MYO10: variants seen among roughly 807,000 people sequenced by gnomAD.
MYO10 encodes unconventional myosin-X.
MYO10 carries 133 observed loss-of-function variants against 257.3 expected under a neutral mutation model. The observed-to-expected ratio is 0.52, with a 90% CI of 0.45 to 0.60. The LOEUF is 0.60. Among genes scored for constraint, MYO10 ranks in the 20% least tolerant of loss-of-function variants. The probability of loss-of-function intolerance (pLI) is 0.00; values close to 1 mark genes in which losing one functional copy is unlikely to be tolerated. For missense variants in MYO10, 2,399 were observed against 2,635.7 expected, an observed-to-expected ratio of 0.91 and a Z score of 1.97; for synonymous variants, 1,104 against 1,028.6, an observed-to-expected ratio of 1.07 and a Z score of -1.40.
chr5:16,772,736 C>T (rs1012739033), intron 9 of MYO10, among the ~76,000 whole-genome samples: 4 of 152,204 alleles, frequency 2.6e-5, no homozygotes, highest in African/African-American at 9.6e-5. Context: ...AAACAAACTG[C>T]TGTCTATTCA....
At chr5:16,859,241 A>G (rs989268475) in intron 2 of MYO10, among the ~76,000 whole-genome samples, 22 of 152,218 alleles carry the variant, frequency 1.4e-4, no homozygotes, top group Admixed American at 4.6e-4. Flanking sequence ...GAAGTCCAAG[A>G]GCAAGGATAT....
rs888463722 is a variant in MYO10 at position 16,668,309 on chromosome 5, C to T, written c.6043G>A (p.Asp2015Asn). ...PLANTYKIVVDERELLFETSE... is the reference protein window; with the variant it reads ...PLANTYKIVVNERELLFETSE... ...GTTTCAAAGAGCAGCTCCCTCTCAT[C>T]GACCACGATCTTATACGTATTCGCC... Residue 2015 changes from aspartate (D) to asparagine (N), a missense_variant, in exon 40 of 41, where the codon GAT (aspartate) becomes AAT (asparagine). By Grantham distance (23) the Asp-to-Asn change is conservative (BLOSUM62 1). Around this residue, in one of 3 missense-constraint regions of MYO10, gnomAD observed 1,820 missense variants for 1,939.4 expected, o/e 0.94. Coordinates refer to ENST00000513610, the MANE Select transcript of MYO10 (RefSeq NM_012334.3). 8.1e-6 allele frequency: 13 copies of T among 1,613,190 alleles called. No homozygotes were observed. In the East Asian group the frequency reaches 1.3e-4, roughly 17 times the overall value.
intron 26 of MYO10, among the ~76,000 whole-genome samples, chr5:16,698,265 C>T (rs573006054): frequency 2.2e-4 from 33 of 152,104 alleles, no homozygotes; most frequent in African/African-American, 6.7e-4. Context: ...ATGAAGGCTG[C>T]GGCAGGAAGA....
rs1250436087 is a variant in MYO10, at chr5:16,769,213, A to C, written c.931-10T>G. 1.3e-6 allele frequency: 2 copies of C among 1,586,604 alleles called. No individual in the cohort carries two copies. Among genetic ancestry groups the C allele is most frequent in the Admixed American group, 3.7e-5 (2 of 53,916 alleles). On this transcript the variant is annotated splice_polypyrimidine_tract_variant and intron_variant, in intron 9 of 40. Transcript: ENST00000513610. ...TCACGTCCATTGCCGTCTAGAAGAA[A>C]ATAAATGTATTTAATTTTATGTCGT... is the stretch of plus-strand genomic sequence containing the variant.
rs151111596 is a variant in MYO10, at chr5:16,724,657, T to C, written c.1930-13412A>G. On this transcript the variant is annotated intron_variant, in intron 19 of 40. Coordinates refer to ENST00000513610, the MANE Select transcript of MYO10 (RefSeq NM_012334.3). Reference sequence around the variant, plus strand: ...GTCATGAAGTAACTCTTCAGTATAGTGTTTAATGAGGAGGGATGCAAAAGA... The same window carrying C: ...GTCATGAAGTAACTCTTCAGTATAGCGTTTAATGAGGAGGGATGCAAAAGA... Among the ~76,000 whole-genome samples, 1,250 of 152,234 alleles carry C rather than the reference T, an allele frequency of 8.2e-3. 9 individuals carry two copies. Among genetic ancestry groups the C allele is most frequent in the Non-Finnish European group, 0.014 (980 of 68,022 alleles).
chr5:16,761,916 G>T, intron 16 of MYO10, 129 bp downstream of exon 16: 1 of 973,572 alleles, frequency 1.0e-6, no homozygotes, highest in Non-Finnish European at 1.5e-6. Flanking sequence ...GCCTCCCAAA[G>T]TACTGGGACT....
At chr5:16,669,719 ATAT>A (rs542262867) in intron 39 of MYO10, among the ~76,000 whole-genome samples, 7 of 152,220 alleles carry the variant, frequency 4.6e-5, no homozygotes, top group Non-Finnish European at 8.8e-5. Context: ...AGAATTTATA[ATAT>A]TTAGAATTTT....
intron 19 of MYO10, chr5:16,713,494 C>A: frequency 1.0e-6 from 1 of 985,764 alleles, no homozygotes; most frequent in South Asian, 4.7e-5. Context: ...GCCATGACAA[C>A]CCCTTCCATT....
At chr5:16,728,770 G>A (rs967754073) in intron 19 of MYO10, among the ~76,000 whole-genome samples, 2 of 152,142 alleles carry the variant, frequency 1.3e-5, no homozygotes, top group African/African-American at 4.8e-5. Flanking sequence ...TGTGCCCTTC[G>A]TCCTCGTGGG....
In MYO10 at chr5:16,775,351, C is replaced by A. The variant is rs543739304; in HGVS notation, c.930+4194G>T. Among the ~76,000 whole-genome samples the A allele has an allele frequency of 5.9e-5, 9 of 152,228 alleles. No individual in the cohort carries two copies. The South Asian group carries it at 8.3e-4, about 14-fold the overall frequency. On this transcript the variant is annotated intron_variant, in intron 9 of 40. Coordinates refer to ENST00000513610, the MANE Select transcript of MYO10 (RefSeq NM_012334.3). Reference sequence around the variant, plus strand: ...GATAAATTTTAAAAATACATTAAGGCAAATTCTCAATGAAATAAGCAAAAT... The same window carrying A: ...GATAAATTTTAAAAATACATTAAGGAAAATTCTCAATGAAATAAGCAAAAT...
intron 3 of MYO10, among the ~76,000 whole-genome samples, chr5:16,797,469 A>G (rs1742004220): frequency 6.6e-6 from 1 of 152,062 alleles, no homozygotes; most frequent in East Asian, 1.9e-4. Context: ...CAGCGATTCC[A>G]CTCCTAGATA....
intron 32 of MYO10, among the ~76,000 whole-genome samples, chr5:16,681,095 A>C (rs1166278903): frequency 1.3e-5 from 2 of 152,184 alleles, no homozygotes; most frequent in African/African-American, 4.8e-5. Flanking sequence ...TCCTTGCGAG[A>C]ATCTTCCTAC....
In MYO10 at chr5:16,683,863, G is replaced by A. The variant is rs1389157551; in HGVS notation, c.4046+17C>T. ...AGGTGATGAGCTGTTTTTGTTAAGA[G>A]CCACATCTGAGCTTACCTATCAGGG... On this transcript the variant is annotated intron_variant, in intron 30 of 40. Transcript: ENST00000513610. 6.2e-6 allele frequency: 10 copies of A among 1,613,160 alleles called. No homozygotes were observed. The East Asian group carries it at 1.8e-4, about 29-fold the overall frequency.
At chr5:16,786,301 T>C (rs1375089114) in intron 4 of MYO10, among the ~76,000 whole-genome samples, 1 of 152,122 alleles carries the variant, frequency 6.6e-6, no homozygotes. Flanking sequence ...AAACCCAGGA[T>C]TCTCGTCGTC....
At chr5:16,706,325 T>A (rs1319760321) in intron 21 of MYO10, among the ~76,000 whole-genome samples, 1 of 151,708 alleles carries the variant, frequency 6.6e-6, no homozygotes, top group African/African-American at 2.4e-5. Flanking sequence ...ACACACACAC[T>A]CTGTTGGTGC....
Position 16,666,734 on chromosome 5 carries a change from G to A in MYO10, c.6135C>T (p.Tyr2045=), listed in dbSNP as rs559745704. ...GGCTGCTGGCGGAGCGTGTCGTGCT[G>A]TAGCGCTTCTTCACGATCATGCTGA... ...AYISMIVKKR[Y]STTRSASSQG... Residue 2045 remains tyrosine (Y), a synonymous_variant, in exon 41 of 41, where the codon TAC becomes TAT. Transcript: ENST00000513610. 1.1e-4 allele frequency: 180 copies of A among 1,607,970 alleles called. No individual in the cohort carries two copies. Among genetic ancestry groups the A allele is most frequent in the Middle Eastern group, 1.7e-4 (1 of 6,056 alleles).
chr5:16,713,172 CTCTA>C (rs1160110746), intron 19 of MYO10, among the ~76,000 whole-genome samples: 5 of 152,282 alleles, frequency 3.3e-5, no homozygotes, highest in African/African-American at 9.6e-5. Flanking sequence ...TCCAAAATAT[CTCTA>C]TCTCTCAGGC....
intron 2 of MYO10, among the ~76,000 whole-genome samples, chr5:16,834,534 T>A (rs1743256062): frequency 1.3e-5 from 2 of 152,174 alleles, no homozygotes; most frequent in African/African-American, 4.8e-5. Context: ...CTGGAACTAA[T>A]GGCTGCTTAA....
At chr5:16,931,301 A>C (rs1426365498) in intron 1 of MYO10, among the ~76,000 whole-genome samples, 2 of 152,106 alleles carry the variant, frequency 1.3e-5, no homozygotes, top group African/African-American at 4.8e-5. Flanking sequence ...TAGTAATAAT[A>C]ATAAGATACT....
Sources: allele counts gnomAD v4.1 joint callset (sites outside exome capture counted in the v4.1 genomes callset), GRCh38; gene constraint gnomAD v4.1.1; regional missense constraint gnomAD v4.1.1; transcripts MANE v1.5; gene names NCBI Gene and HGNC (gene_info 2026-07-23, HGNC 2026-07-21).